Variants in EARS2 observed in about 807,000 individuals in gnomAD.
EARS2 encodes the protein nondiscriminating glutamyl-tRNA synthetase EARS2, mitochondrial.
In EARS2, 50 loss-of-function variants were observed where a neutral mutation model predicts 54.1. The ratio of observed to expected loss-of-function variants is 0.92; its 90% CI spans 0.74 to 1.17. The LOEUF (loss-of-function observed/expected upper bound fraction) is 1.17, where lower values mean the gene tolerates loss of function less well. EARS2 is among the 50% of genes most tolerant of loss of function. The pLI, the probability that EARS2 is intolerant of heterozygous loss-of-function variation, is 0.00. For synonymous variants in EARS2, 298 were observed against 281.0 expected (o/e 1.06, Z -0.61); for missense variants, 673 against 675.0 (o/e 1.00, Z 0.03).
chr16:23,537,064 C>A, intron 3 of EARS2: 1 of 246,266 alleles, frequency 4.1e-6, no homozygotes, highest in South Asian at 4.6e-5. Context: ...AGCATTATGT[C>A]TGAATCAAAG....
chr16:23,555,144 G>A (rs1965755226), intron 1 of EARS2, among the ~76,000 whole-genome samples: 1 of 152,114 alleles, frequency 6.6e-6, no homozygotes, highest in Non-Finnish European at 1.5e-5. Flanking sequence ...ATTATTATTA[G>A]CCCCGTTTTG....
Position 23,545,948 on chromosome 16 carries a change from G to A in EARS2, c.296-1245C>T, listed in dbSNP as rs12932942. On this transcript the variant is annotated intron_variant, in intron 2 of 8. Transcript: ENST00000449606. ...AGTGATCCTCCCACCTCAGCCTCTC[G>A]AGTAGCTGGGATTATAGGAATGTGC... is the stretch of plus-strand genomic sequence containing the variant. Among the ~76,000 whole-genome samples, 689 of 151,924 alleles carry A rather than the reference G, an allele frequency of 4.5e-3. 3 individuals are homozygous for A. Among genetic ancestry groups the A allele is most frequent in the Non-Finnish European group, 8.2e-3 (560 of 67,928 alleles).
At position 23,543,117 on chromosome 16, in the gene EARS2, C is replaced by CAAAA. The variant is rs35137770; in HGVS notation, c.485+1393_485+1396dup. 6.1e-4 allele frequency among the ~76,000 whole-genome samples: 44 copies of CAAAA among 71,980 alleles called. 3 individuals are homozygous for CAAAA. The highest frequency in any genetic ancestry group is 2.7e-3 in the African/African-American group (41 of 15,284). The allele number at this position is 71,980 out of a possible 152,430, so 47.2% of individuals were successfully genotyped here. A position where few individuals can be genotyped will look rare whatever the true frequency, so the allele number is the denominator to read the frequency against. On this transcript the variant is annotated intron_variant, in intron 3 of 8. Coordinates refer to ENST00000449606, the MANE Select transcript of EARS2 (RefSeq NM_001083614.2). ...GTAGCAGAGCAAGACTCTGTCTCAC[C>CAAAA]AAAAAAAAAAAAAAAAAAAAGTCAG... is the stretch of plus-strand genomic sequence containing the variant.
At chr16:23,538,914 C>T (rs1327937062) in intron 3 of EARS2, among the ~76,000 whole-genome samples, 1 of 151,754 alleles carries the variant, frequency 6.6e-6, no homozygotes, top group East Asian at 1.9e-4. Flanking sequence ...TGCTTTGTAC[C>T]TACCACCTAA....
chr16:23,525,137 T>C (rs1169826061), intron 8 of EARS2, 107 bp downstream of exon 8: 2 of 1,487,772 alleles, frequency 1.3e-6, no homozygotes, highest in South Asian at 2.3e-5. Context: ...TCATGTTTCA[T>C]TCACCTTTGT....
In EARS2 at chr16:23,525,423, G is replaced by C. The variant is rs539754409; in HGVS notation, c.1353-44C>G. On this transcript the variant is annotated intron_variant, in intron 7 of 8. Transcript: ENST00000449606. ...TTTACAGGGCCTGCATGGGCCAATG[G>C]CAAGTGGGTGGGAGGAAGGGCTTCA... 228 of 1,581,514 alleles carry C rather than the reference G, an allele frequency of 1.4e-4. 3 individuals carry two copies. The South Asian group carries it at 2.6e-3, about 18-fold the overall frequency.
intron 2 of EARS2, among the ~76,000 whole-genome samples, 157 bp downstream of exon 2, chr16:23,551,992 A>G (rs574751897): frequency 6.6e-6 from 1 of 152,296 alleles, no homozygotes; most frequent in Admixed American, 6.5e-5. Flanking sequence ...GCATTTTTTC[A>G]GGTGTCATCT....
chr16:23,524,093 T>C lies in EARS2; in HGVS notation c.*278A>G, dbSNP rs1965183896. 2.1e-6 allele frequency: 1 copy of C among 475,610 alleles called. No homozygotes were observed. Among genetic ancestry groups the C allele is most frequent in the Non-Finnish European group, 3.8e-6 (1 of 264,108 alleles). The allele number at this position is 475,610 out of a possible 1,614,324, so 29.5% of individuals were successfully genotyped here. ...CCGGGATGTTAACTTTTCTGTGAAC[T>C]AACTCCAAACCTCTGCTGTGTAATG... On this transcript the variant is annotated 3_prime_UTR_variant, in exon 9 of 9. Coordinates refer to ENST00000449606, the MANE Select transcript of EARS2 (RefSeq NM_001083614.2).
Position 23,535,304 on chromosome 16 carries a change from T to C in EARS2, c.542A>G (p.Lys181Arg). Reference protein sequence around the residue: ...SQEQVAQKLAKDPKPAIRFRL... With the variant: ...SQEQVAQKLARDPKPAIRFRL... ...GAAGCGGATCGCAGGCTTGGGGTCC[T>C]TGGCCAGCTTCTGGGCCACCTGCTC... The change falls in exon 4 of 9, where the codon AAG (lysine) becomes AGG (arginine). Residue 181 changes from lysine to arginine, a missense_variant. This residue lies in a region of EARS2 where 316 missense variants were observed against 275.2 expected (regional missense o/e 1.15). Transcript: ENST00000449606. The C allele has an allele frequency of 1.9e-6, 3 of 1,603,840 alleles. No individual in the cohort carries two copies. The highest frequency in any genetic ancestry group is 2.2e-4 in the Middle Eastern group (1 of 4,574).
At position 23,537,938 on chromosome 16, in the gene EARS2, C is replaced by T. The variant is rs144808924; in HGVS notation, c.486-2578G>A. On this transcript the variant is annotated intron_variant, in intron 3 of 8. Transcript: ENST00000449606. ...CCTCCCAAGTAGCTGGGACTACAGG[C>T]GTGCACCACCATGCCTGGCTAATTT... 6.5e-3 allele frequency among the ~76,000 whole-genome samples: 978 copies of T among 151,420 alleles called. 11 individuals carry two copies. The highest frequency in any genetic ancestry group is 0.023 in the African/African-American group (944 of 41,266).
intron 3 of EARS2, among the ~76,000 whole-genome samples, chr16:23,541,862 T>TTC (rs1965518011): frequency 7.0e-6 from 1 of 142,326 alleles, no homozygotes; most frequent in Admixed American, 7.0e-5. Flanking sequence ...CTCAGCTAAT[T>TTC]TTTTTTTTTT....
rs1597003662 is a variant in EARS2, at chr16:23,522,874, T to C, written c.*1497A>G. 3 of 152,308 alleles carry C rather than the reference T, an allele frequency of 2.0e-5. No homozygotes were observed. The South Asian group carries it at 6.2e-4, about 32-fold the overall frequency. 9.4% of individuals were successfully genotyped at this position (152,308 alleles called of 1,614,324 possible). A position where few individuals can be genotyped will look rare whatever the true frequency, so the allele number is the denominator to read the frequency against. ...GGTCATGTGAATGCTTGGCTGGAATTGAAGGACCAGCTTTCAAGATTGCAC... is the reference window on the plus strand; with the variant it reads ...GGTCATGTGAATGCTTGGCTGGAATCGAAGGACCAGCTTTCAAGATTGCAC... On this transcript the variant is annotated 3_prime_UTR_variant, in exon 9 of 9. Transcript: ENST00000449606.
At chr16:23,551,160 C>T (rs1965688646) in intron 2 of EARS2, among the ~76,000 whole-genome samples, 2 of 152,200 alleles carry the variant, frequency 1.3e-5, no homozygotes, top group South Asian at 4.1e-4. Flanking sequence ...GCCAGCATTC[C>T]CGCATGGGCA....
intron 3 of EARS2, chr16:23,537,478 T>A (rs1965440098): frequency 1.3e-5 from 2 of 152,362 alleles, no homozygotes; most frequent in Admixed American, 6.6e-5. Flanking sequence ...TAGAGATTAT[T>A]GGATGGATCT....
intron 2 of EARS2, chr16:23,546,366 C>A (rs557322369): frequency 2.2e-6 from 1 of 455,966 alleles, no homozygotes; most frequent in Admixed American, 2.4e-5. Context: ...CTGAGTGGGC[C>A]TGGGTTCAAA....
chr16:23,542,207 T>C (rs953597496), intron 3 of EARS2, among the ~76,000 whole-genome samples: 3 of 151,982 alleles, frequency 2.0e-5, no homozygotes, highest in African/African-American at 7.2e-5. Context: ...TTGGCCAGGC[T>C]GGTCTCGAAC....
At position 23,521,783 on chromosome 16, in the gene EARS2, A is replaced by G. The variant is rs190570848; in HGVS notation, c.*2588T>C. ...GTATTTTGACCACTCACTTTGTTAA[A>G]AACACTCACTTGACCATGAGCCAAG... On this transcript the variant is annotated 3_prime_UTR_variant, in exon 9 of 9. Transcript: ENST00000449606. 236 of 453,700 alleles carry G rather than the reference A, an allele frequency of 5.2e-4. 1 individual carries two copies. The highest frequency in any genetic ancestry group is 4.4e-3 in the African/African-American group (218 of 50,054). 28.1% of individuals were successfully genotyped at this position (453,700 alleles called of 1,614,324 possible). A position where few individuals can be genotyped will look rare whatever the true frequency, so the allele number is the denominator to read the frequency against.
At chr16:23,550,277 G>C (rs1238194734) in intron 2 of EARS2, among the ~76,000 whole-genome samples, 3 of 151,666 alleles carry the variant, frequency 2.0e-5, no homozygotes, top group Admixed American at 2.0e-4. Context: ...TAAGGTGAGA[G>C]GATCCCTTGA....
intron 8 of EARS2, 52 bp downstream of exon 8, chr16:23,525,192 A>G (rs1364259021): frequency 6.2e-7 from 1 of 1,613,914 alleles, no homozygotes; most frequent in Admixed American, 1.7e-5. Flanking sequence ...TGTAAGTTCA[A>G]AGGATCAATG....
Sources: gnomAD v4.1 joint callset for allele counts (sites outside exome capture counted in the v4.1 genomes callset) on GRCh38, gnomAD v4.1.1 for gene constraint, gnomAD v4.1.1 regional missense constraint, MANE v1.5 for transcripts, NCBI Gene and HGNC (gene_info 2026-07-23, HGNC 2026-07-21) for gene names.